Variants in PKHD1L1 observed in about 807,000 individuals in gnomAD.
PKHD1L1 encodes fibrocystin-L.
A neutral mutation model predicts 462.9 loss-of-function variants in PKHD1L1; 434 were observed. The ratio of observed to expected loss-of-function variants is 0.94; its 90% CI spans 0.87 to 1.02. The LOEUF (loss-of-function observed/expected upper bound fraction) is 1.02, where lower values mean the gene tolerates loss of function less well. Ranked by LOEUF, PKHD1L1 falls within the 50% of genes least tolerant of loss-of-function variation. PKHD1L1 has a pLI of 0.00. For missense variants in PKHD1L1, 5,202 were observed against 5,096.1 expected (o/e 1.02, Z -0.63); for synonymous variants, 1,781 against 1,750.0 (o/e 1.02, Z -0.44).
chr8:109,436,261 C>CA (rs1320061983), intron 29 of PKHD1L1, 77 bp from the exon 30 acceptor site: 32 of 1,456,018 alleles, frequency 2.2e-5, no homozygotes, highest in Non-Finnish European at 2.8e-5. Flanking sequence ...AGACAATTCT[C>CA]AAAAAATGTT....
chr8:109,414,755 A>G (rs1042901256), intron 21 of PKHD1L1, among the ~76,000 whole-genome samples: 18 of 152,112 alleles, frequency 1.2e-4, no homozygotes, highest in Admixed American at 9.8e-4. Context: ...AGAGAGAGTG[A>G]GAAAATGATC....
chr8:109,477,155 C>T (rs776910150), intron 52 of PKHD1L1, 70 bp from the exon 53 acceptor site: 11 of 1,503,198 alleles, frequency 7.3e-6, no homozygotes, highest in Non-Finnish European at 9.1e-6. Flanking sequence ...TTCCAAAATT[C>T]CATAATTTTG....
Position 109,504,612 on chromosome 8 carries a change from A to G in PKHD1L1, c.10994+120A>G, listed in dbSNP as rs1048665481. The G allele has an allele frequency of 4.8e-5, 26 of 536,670 alleles. 1 individual carries two copies. The South Asian group carries it at 8.0e-4, about 16-fold the overall frequency. The allele number at this position is 536,670 out of a possible 1,614,324, so 33.2% of individuals were successfully genotyped here. A position where few individuals can be genotyped will look rare whatever the true frequency, so the allele number is the denominator to read the frequency against. ...AACTGCCAGTTTTTATGATACTTTA[A>G]TGAGCATTATGAAAATTAAGACCAT... On this transcript the variant is annotated intron_variant, in intron 68 of 77. Transcript: ENST00000378402.
At chr8:109,373,796 T>G (rs1042102692) in intron 2 of PKHD1L1, among the ~76,000 whole-genome samples, 1 of 152,218 alleles carries the variant, frequency 6.6e-6, no homozygotes, top group African/African-American at 2.4e-5. Context: ...TTGTTCAGTT[T>G]CCATGTAGTT....
chr8:109,485,665 C>A (rs550885890), intron 58 of PKHD1L1, among the ~76,000 whole-genome samples: 1 of 152,042 alleles, frequency 6.6e-6, no homozygotes, highest in African/African-American at 2.4e-5. Flanking sequence ...CTAGCCTTTC[C>A]CCATTTGGCA....
In PKHD1L1 at chr8:109,459,600, G is replaced by T; in HGVS notation, c.7010G>T (p.Ser2337Ile). The change falls in exon 47 of 78, where the codon AGT (serine) becomes ATT (isoleucine). Residue 2337 changes from serine (S) to isoleucine (I), a missense_variant. By Grantham distance (142) the Ser-to-Ile change is moderately radical (BLOSUM62 -2). Coordinates refer to ENST00000378402, the MANE Select transcript of PKHD1L1 (RefSeq NM_177531.6). ...TTTTGTCAAAATTTTTACAGACACAGTCAAGGAGAGAATGAAAAAATGACC... is the reference window on the plus strand; with the variant it reads ...TTTTGTCAAAATTTTTACAGACACATTCAAGGAGAGAATGAAAAAATGACC... ...IVIASTGHRH[S>I]QGENEKMTIA... 6.4e-7 allele frequency: 1 copy of T among 1,553,172 alleles called. No individual in the cohort carries two copies. The highest frequency in any genetic ancestry group is 8.7e-7 in the Non-Finnish European group (1 of 1,148,054).
At chr8:109,426,921 A>G (rs13264576) in intron 24 of PKHD1L1, 81 bp from the exon 25 acceptor site, 260,439 of 802,344 alleles carry the variant, frequency 0.32, 44,819 homozygotes, top group Admixed American at 0.5. Context: ...CCAAAGTGCT[A>G]AGATTACAGG....
intron 50 of PKHD1L1, among the ~76,000 whole-genome samples, chr8:109,474,765 A>C (rs1009106961): frequency 6.6e-6 from 1 of 152,128 alleles, no homozygotes; most frequent in Non-Finnish European, 1.5e-5. Context: ...ATATTAATAT[A>C]TTTAGGCACT....
rs573910412 is a variant in PKHD1L1 at position 109,436,087 on chromosome 8, T to C, written c.3506-251T>C. On this transcript the variant is annotated intron_variant, in intron 29 of 77. Coordinates refer to ENST00000378402, the MANE Select transcript of PKHD1L1 (RefSeq NM_177531.6). The stretch of plus-strand genomic sequence containing the variant: ...CTACCAATGCCCCAAAGCAAATGTG[T>C]GTTGCAAATCTATGTTATTTCATTA... 1.1e-3 allele frequency among the ~76,000 whole-genome samples: 161 copies of C among 152,306 alleles called. 1 individual carries two copies. Among genetic ancestry groups the C allele is most frequent in the African/African-American group, 3.7e-3 (152 of 41,570 alleles).
At position 109,464,657 on chromosome 8, in the gene PKHD1L1, G is replaced by T. The variant is rs763078437; in HGVS notation, c.7825G>T (p.Gly2609Cys). ...CATTTGTCAAAAAAGAGTTCCCCTT[G>T]GCGAATTTTTTAACAATACTGTCCA... is the stretch of plus-strand genomic sequence containing the variant. ...RNICQKRVPL[G>C]EFFNNTVHSQ... Residue 2609 changes from glycine to cysteine, a missense_variant, in exon 49 of 78, where the codon GGC becomes TGC. Gly to Cys is a radical substitution (Grantham distance 159, BLOSUM62 -3). Coordinates refer to ENST00000378402, the MANE Select transcript of PKHD1L1 (RefSeq NM_177531.6). 5 of 1,612,770 alleles carry T rather than the reference G, an allele frequency of 3.1e-6. No individual in the cohort carries two copies. The African/African-American group carries it at 6.7e-5, about 22-fold the overall frequency.
At chr8:109,437,894 T>C (rs1010722211) in intron 30 of PKHD1L1, among the ~76,000 whole-genome samples, 1 of 152,174 alleles carries the variant, frequency 6.6e-6, no homozygotes, top group Non-Finnish European at 1.5e-5. Context: ...AAGTGCTTAG[T>C]CTTGGATTTT....
At chr8:109,383,403 G>T (rs10808430) in intron 4 of PKHD1L1, among the ~76,000 whole-genome samples, 4 of 109,770 alleles carry the variant, frequency 3.6e-5, no homozygotes, top group Non-Finnish European at 5.2e-5. Flanking sequence ...TATATATTAC[G>T]TATAATTATA....
intron 73 of PKHD1L1, among the ~76,000 whole-genome samples, chr8:109,519,108 C>A (rs1820420728): frequency 1.3e-5 from 2 of 152,092 alleles, no homozygotes; most frequent in Non-Finnish European, 2.9e-5. Flanking sequence ...AGTAAAGTCA[C>A]AGATTCAGCC....
At chr8:109,510,248 T>C (rs1179634740) in intron 70 of PKHD1L1, among the ~76,000 whole-genome samples, 1 of 152,146 alleles carries the variant, frequency 6.6e-6, no homozygotes, top group Non-Finnish European at 1.5e-5. Flanking sequence ...AAGAACAAAT[T>C]AATGAATCAA....
rs1182185711 is a variant in PKHD1L1 at position 109,444,764 on chromosome 8, C to T, written c.4895C>T (p.Thr1632Ile). The change falls in exon 38 of 78, where the codon ACT becomes ATT. Residue 1632 changes from threonine to isoleucine, a missense_variant. By Grantham distance (89) the Thr-to-Ile change is moderately conservative (BLOSUM62 -1). Coordinates refer to ENST00000378402, the MANE Select transcript of PKHD1L1 (RefSeq NM_177531.6). ...TCAATGGATGTTGGTATCAGGGAAA[C>T]TGTCACTTTGACTGTCTACAACCTG... ...QNSMDVGIRE[T>I]VTLTVYNLGT... 1.2e-6 allele frequency: 2 copies of T among 1,613,906 alleles called. No homozygotes were observed. The highest frequency in any genetic ancestry group is 1.1e-5 in the South Asian group (1 of 91,092).
At chr8:109,384,690 A>G (rs903407801) in intron 5 of PKHD1L1, among the ~76,000 whole-genome samples, 1 of 151,818 alleles carries the variant, frequency 6.6e-6, no homozygotes, top group African/African-American at 2.4e-5. Flanking sequence ...TTATAATCCC[A>G]ATGGCAATAA....
chr8:109,527,036 T>A lies in PKHD1L1; in HGVS notation c.12721+16T>A. ...ATAACTTTAAGTAAGTACAGTCCAT[T>A]AATACATTATTTCTCCACATGTTGA... On this transcript the variant is annotated intron_variant, in intron 77 of 77. Transcript: ENST00000378402. 6.4e-7 allele frequency: 1 copy of A among 1,566,556 alleles called. No individual in the cohort carries two copies. The highest frequency in any genetic ancestry group is 8.8e-7 in the Non-Finnish European group (1 of 1,142,062).
chr8:109,406,609 T>TC (rs1162110725), intron 17 of PKHD1L1, 131 bp downstream of exon 17: 7 of 1,065,626 alleles, frequency 6.6e-6, no homozygotes, highest in Non-Finnish European at 8.9e-6. Context: ...AATGGTTTTT[T>TC]CTACGGTAAT....
intron 50 of PKHD1L1, chr8:109,470,511 A>C: frequency 1.2e-6 from 2 of 1,610,846 alleles, no homozygotes; most frequent in Admixed American, 3.3e-5. Context: ...CTGGAAAAGA[A>C]AGGGAAAAGA....
Sources: allele counts gnomAD v4.1 joint callset (sites outside exome capture counted in the v4.1 genomes callset), GRCh38; gene constraint gnomAD v4.1.1; transcripts MANE v1.5; gene names NCBI Gene and HGNC (gene_info 2026-07-23, HGNC 2026-07-21).